Variants in ATP2C2 observed in about 807,000 individuals in gnomAD.
The protein encoded by ATP2C2 is ATPase secretory pathway Ca2+ transporting 2.
ATP2C2 carries 171 observed loss-of-function variants against 110.8 expected under a neutral mutation model. The observed-to-expected ratio is 1.54, with a 90% confidence interval of 1.36 to 1.75. ATP2C2 has a LOEUF of 1.75. ATP2C2 is among the 40% of genes most tolerant of loss of function. The probability of loss-of-function intolerance (pLI) is 0.00; values close to 1 mark genes in which losing one functional copy is unlikely to be tolerated. For synonymous variants in ATP2C2, 804 were observed against 508.4 expected, an observed-to-expected ratio of 1.58 and a Z score of -7.82; for missense variants, 1,963 against 1,235.0, an observed-to-expected ratio of 1.59 and a Z score of -8.84.
At chr16:84,391,095 CAG>C (rs1467184498) in intron 1 of ATP2C2, among the ~76,000 whole-genome samples, 1 of 112,166 alleles carries the variant, frequency 8.9e-6, no homozygotes, top group Non-Finnish European at 1.6e-5. Context: ...GCCTGGGTGA[CAG>C]AGTGAGACTC....
intron 23 of ATP2C2, 31 bp from the exon 24 acceptor site, chr16:84,460,623 T>C: frequency 6.2e-7 from 1 of 1,614,066 alleles, no homozygotes; most frequent in African/African-American, 1.3e-5. Flanking sequence ...TCCTGGTTCA[T>C]TTCAAAGTGT....
At position 84,460,701 on chromosome 16, in the gene ATP2C2, G is replaced by C. The variant is rs201610989; in HGVS notation, c.2381G>C (p.Arg794Pro). 13 of 1,614,198 alleles carry C rather than the reference G, an allele frequency of 8.1e-6. No individual in the cohort carries two copies. The highest frequency in any genetic ancestry group is 2.2e-5 in the East Asian group (1 of 44,876). Reference sequence around the variant, plus strand: ...AAAGACGCCTTCAGGCAGCCACCACGGAGTGTGCGGGACACCATCCTCAGC... The same window carrying C: ...AAAGACGCCTTCAGGCAGCCACCACCGAGTGTGCGGGACACCATCCTCAGC... ...VDKDAFRQPP[R>P]SVRDTILSRA... The change falls in exon 24 of 27, where the codon CGG (arginine) becomes CCG (proline). Residue 794 changes from arginine (R) to proline (P), a missense_variant. Arg to Pro is a moderately radical substitution (Grantham distance 103). Coordinates refer to ENST00000262429, the MANE Select transcript of ATP2C2 (RefSeq NM_014861.4).
chr16:84,446,429 A>G lies in ATP2C2; in HGVS notation c.1502A>G (p.Glu501Gly). 1 of 1,582,774 alleles carries G rather than the reference A, an allele frequency of 6.3e-7. No individual in the cohort carries two copies. Among genetic ancestry groups the G allele is most frequent in the Non-Finnish European group, 8.6e-7 (1 of 1,166,114 alleles). Reference sequence around the variant, plus strand: ...GCGGTGAAATGCAGTCTGAAGACTGAGGTGAGACCTTTCAATCTTCAACCT... The same window carrying G: ...GCGGTGAAATGCAGTCTGAAGACTGGGGTGAGACCTTTCAATCTTCAACCT... The part of the protein sequence containing the change: ...WMAVKCSLKT[E>G]DQEDIYFMKG... The change falls in exon 16 of 27, where the codon GAG becomes GGG. Residue 501 changes from glutamate (E) to glycine (G), a missense_variant and splice_region_variant. Transcript: ENST00000262429.
chr16:84,437,384 A>G (rs1425589830), intron 11 of ATP2C2, among the ~76,000 whole-genome samples: 1 of 151,390 alleles, frequency 6.6e-6, no homozygotes, highest in Non-Finnish European at 1.5e-5. Flanking sequence ...ATGTATATAT[A>G]ATTTTTTTTT....
chr16:84,391,954 G>A (rs941877577), intron 1 of ATP2C2, among the ~76,000 whole-genome samples: 14 of 149,984 alleles, frequency 9.3e-5, no homozygotes, highest in Middle Eastern at 6.8e-3. Flanking sequence ...ATATTACGAC[G>A]ATTGTTCTGC....
chr16:84,415,550 T>C lies in ATP2C2; in HGVS notation c.583T>C (p.Ser195Pro). 3 of 1,614,144 alleles carry C rather than the reference T, an allele frequency of 1.9e-6. No individual in the cohort carries two copies. Among genetic ancestry groups the C allele is most frequent in the Non-Finnish European group, 2.5e-6 (3 of 1,180,014 alleles). ...ELVPGDVVSL[S>P]IGDRIPADIR... ...GGTTCCTGGTGATGTCGTATCTCTC[T>C]CGATCGGAGACCGGATCCCTGCAGA... Residue 195 changes from serine to proline, a missense_variant, in exon 7 of 27, where the codon TCG becomes CCG. Transcript: ENST00000262429.
At chr16:84,459,596 A>T in intron 23 of ATP2C2, 1 of 1,535,528 alleles carries the variant, frequency 6.5e-7, no homozygotes, top group African/African-American at 1.4e-5. Flanking sequence ...GAGCTGGGTG[A>T]GGATGGAACT....
At chr16:84,440,585 G>C (rs1372375761) in intron 13 of ATP2C2, among the ~76,000 whole-genome samples, 3 of 152,224 alleles carry the variant, frequency 2.0e-5, no homozygotes, top group Admixed American at 2.0e-4. Flanking sequence ...ACTCTTCTAT[G>C]CTAGTTCTTA....
At position 84,442,710 on chromosome 16, in the gene ATP2C2, A is replaced by G. The variant is rs1597846036; in HGVS notation, c.1401+111A>G. Reference sequence around the variant, plus strand: ...ACAGGAGTGGGGACGTTAGGTAATCATGGAAGAAAATGGCCCACACTGGCC... The same window carrying G: ...ACAGGAGTGGGGACGTTAGGTAATCGTGGAAGAAAATGGCCCACACTGGCC... On this transcript the variant is annotated intron_variant, in intron 15 of 26. Transcript: ENST00000262429. The G allele has an allele frequency of 8.7e-6, 9 of 1,033,864 alleles. No homozygotes were observed. The Admixed American group carries it at 1.1e-4, about 13-fold the overall frequency. The allele number at this position is 1,033,864 out of a possible 1,614,324, so 64.0% of individuals were successfully genotyped here. A position where few individuals can be genotyped will look rare whatever the true frequency, so the allele number is the denominator to read the frequency against.
chr16:84,402,586 G>T (rs1449447685), intron 2 of ATP2C2, among the ~76,000 whole-genome samples: 9 of 152,088 alleles, frequency 5.9e-5, no homozygotes, highest in African/African-American at 9.7e-5. Context: ...TCATTCTGTT[G>T]ATGTGTCACA....
intron 11 of ATP2C2, 146 bp downstream of exon 11, chr16:84,425,947 A>C (rs1436756475): frequency 1.0e-6 from 1 of 962,128 alleles, no homozygotes; most frequent in Non-Finnish European, 1.6e-6. Flanking sequence ...GCCTCCCAAT[A>C]GCATGTTCTC....
At chr16:84,446,472 G>C (rs779429977) in intron 16 of ATP2C2, 42 bp downstream of exon 16, 1 of 1,440,922 alleles carries the variant, frequency 6.9e-7, no homozygotes, top group Non-Finnish European at 9.4e-7. Flanking sequence ...CTTTCTGCCC[G>C]GGCCCCCACC....
At chr16:84,383,568 A>G (rs1910711339) in intron 1 of ATP2C2, among the ~76,000 whole-genome samples, 1 of 152,162 alleles carries the variant, frequency 6.6e-6, no homozygotes, top group African/African-American at 2.4e-5. Context: ...TTTCAAATGG[A>G]CAGAAAAGTT....
At chr16:84,387,219 C>T (rs1257100320) in intron 1 of ATP2C2, among the ~76,000 whole-genome samples, 7 of 152,170 alleles carry the variant, frequency 4.6e-5, no homozygotes, top group Non-Finnish European at 8.8e-5. Context: ...ACAGCAGTGT[C>T]CTATATAAAA....
intron 1 of ATP2C2, among the ~76,000 whole-genome samples, chr16:84,391,116 A>G (rs1273356208): frequency 1.3e-5 from 2 of 149,300 alleles, no homozygotes. Context: ...TCAGACTCAA[A>G]AAAAAAAAAA....
At chr16:84,393,790 C>A (rs958235734) in intron 1 of ATP2C2, among the ~76,000 whole-genome samples, 9 of 151,522 alleles carry the variant, frequency 5.9e-5, no homozygotes, top group East Asian at 3.9e-4. Flanking sequence ...CAGGTGGGAC[C>A]CAGGAGAGAG....
rs2291006 is a variant in ATP2C2 at position 84,410,507 on chromosome 16, C to G, written c.418-61C>G. Reference sequence around the variant, plus strand: ...TTAAAGACAAGCCCCTAGCCTGCCACGCCCTGTCCCCCCTCCCACTGAGCC... The same window carrying G: ...TTAAAGACAAGCCCCTAGCCTGCCAGGCCCTGTCCCCCCTCCCACTGAGCC... On this transcript the variant is annotated intron_variant, in intron 4 of 26. Coordinates refer to ENST00000262429, the MANE Select transcript of ATP2C2 (RefSeq NM_014861.4). 2.1e-5 allele frequency: 32 copies of G among 1,558,236 alleles called. 1 individual carries two copies. The highest frequency in any genetic ancestry group is 2.7e-6 in the Non-Finnish European group (3 of 1,130,690).
intron 12 of ATP2C2, 42 bp from the exon 13 acceptor site, chr16:84,439,385 G>C (rs1437933784): frequency 6.3e-7 from 1 of 1,593,324 alleles, no homozygotes; most frequent in African/African-American, 1.5e-5. Context: ...CAAGCCTGAG[G>C]ATGGCAACTT....
At chr16:84,418,214 G>A (rs1907007266) in intron 7 of ATP2C2, among the ~76,000 whole-genome samples, 1 of 152,192 alleles carries the variant, frequency 6.6e-6, no homozygotes, top group East Asian at 1.9e-4. Context: ...CCTGTGTGTG[G>A]GAGATAGGAG....
Sources: allele counts gnomAD v4.1 joint callset (sites outside exome capture counted in the v4.1 genomes callset), GRCh38; gene constraint gnomAD v4.1.1; transcripts MANE v1.5; gene names NCBI Gene and HGNC (gene_info 2026-07-23, HGNC 2026-07-21).